Variants in LRRC4C observed in about 807,000 individuals in gnomAD.
The protein encoded by LRRC4C is leucine rich repeat containing 4C, also known as leucine-rich repeat-containing protein 4C.
LRRC4C carries 5 observed loss-of-function variants against 33.6 expected under a neutral mutation model. The observed-to-expected ratio is 0.15, with a 90% CI of 0.08 to 0.31. The LOEUF (loss-of-function observed/expected upper bound fraction) is 0.31. Among genes scored for constraint, LRRC4C ranks in the 10% least tolerant of loss-of-function variants. The probability of loss-of-function intolerance (pLI) is 1.00; values close to 1 mark genes in which losing one functional copy is unlikely to be tolerated. For synonymous variants in LRRC4C, 329 were observed against 302.0 expected (o/e 1.09, Z -0.93); for missense variants, 560 against 796.7 (o/e 0.70, Z 3.58).
chr11:40,199,465 T>A (rs1219554856), intron 5 of LRRC4C, among the ~76,000 whole-genome samples: 1 of 152,210 alleles, frequency 6.6e-6, no homozygotes, highest in Admixed American at 6.5e-5. Flanking sequence ...TTTTTGTTTT[T>A]GTTTTTAACC....
intron 1 of LRRC4C, among the ~76,000 whole-genome samples, chr11:41,161,912 T>A (rs553084963): frequency 2.2e-4 from 34 of 152,290 alleles, no homozygotes; most frequent in African/African-American, 7.5e-4. Context: ...GGGACATTAA[T>A]ACAGAAAAAA....
rs373043990 is a variant in LRRC4C, at chr11:40,114,655, A to T, written c.1638T>A (p.Ile546=). Residue 546 remains isoleucine, a synonymous_variant, in exon 7 of 7, where the codon ATT becomes ATA. Coordinates refer to ENST00000528697, the MANE Select transcript of LRRC4C (RefSeq NM_001258419.2). ...ITLMAAVMLV[I]FYKMRKQHHR... is the part of the protein sequence containing the mutation. ...GGTGCTGCTTCCTCATCTTGTAGAA[A>T]ATGACCAGCATCACTGCAGCCATGA... is the stretch of plus-strand genomic sequence containing the variant. The T allele has an allele frequency of 8.7e-6, 14 of 1,614,022 alleles. No homozygotes were observed. The highest frequency in any genetic ancestry group is 6.7e-5 in the African/African-American group (5 of 74,904).
intron 2 of LRRC4C, among the ~76,000 whole-genome samples, chr11:40,712,977 C>A (rs191726481): frequency 6.6e-6 from 1 of 151,576 alleles, no homozygotes; most frequent in Admixed American, 6.6e-5. Flanking sequence ...CAACCTCAGC[C>A]TCTTGGGTTC....
chr11:41,364,742 T>A (rs1363671689), intron 1 of LRRC4C, among the ~76,000 whole-genome samples: 1 of 152,208 alleles, frequency 6.6e-6, no homozygotes, highest in Non-Finnish European at 1.5e-5. Context: ...TTTTAAGAAA[T>A]CCTTCTGAAT....
chr11:41,422,939 T>C (rs1376849621), intron 1 of LRRC4C, among the ~76,000 whole-genome samples: 1 of 152,096 alleles, frequency 6.6e-6, no homozygotes, highest in Non-Finnish European at 1.5e-5. Context: ...TTCTACACTA[T>C]GCCATACTGC....
chr11:40,937,313 A>C (rs1461578682), intron 1 of LRRC4C, among the ~76,000 whole-genome samples: 1 of 133,080 alleles, frequency 7.5e-6, no homozygotes, highest in Non-Finnish European at 1.6e-5. Context: ...GCCGACTACT[A>C]GAGTGGGGAG....
intron 1 of LRRC4C, among the ~76,000 whole-genome samples, chr11:41,359,051 A>G (rs1405280214): frequency 1.3e-5 from 2 of 152,280 alleles, no homozygotes; most frequent in African/African-American, 4.8e-5. Flanking sequence ...ATTAGTTATC[A>G]AAGACATGGA....
chr11:40,569,117 C>T lies in LRRC4C; in HGVS notation c.-270+79025G>A, dbSNP rs1234901392. On this transcript the variant is annotated intron_variant, in intron 3 of 6. Coordinates refer to ENST00000528697, the MANE Select transcript of LRRC4C (RefSeq NM_001258419.2). ...TTAGGAAAAGTTTTAAATTTGAGAT[C>T]TACTGATGAGATAAGCTCTTGAAAA... Among the ~76,000 whole-genome samples, 3 of 152,106 alleles carry T rather than the reference C, an allele frequency of 2.0e-5. 1 individual carries two copies. Among genetic ancestry groups the T allele is most frequent in the Admixed American group, 2.0e-4 (3 of 15,260 alleles).
At chr11:41,434,666 A>G (rs1955364455) in intron 1 of LRRC4C, among the ~76,000 whole-genome samples, 1 of 152,166 alleles carries the variant, frequency 6.6e-6, no homozygotes, top group South Asian at 2.1e-4. Context: ...TTTTCACACT[A>G]CAAAGACTAG....
chr11:40,914,271 T>C (rs1414679131), intron 2 of LRRC4C, among the ~76,000 whole-genome samples: 2 of 152,206 alleles, frequency 1.3e-5, no homozygotes, highest in Non-Finnish European at 2.9e-5. Context: ...CCAATATCCC[T>C]GATGAACATT....
At chr11:40,895,565 T>G (rs559958314) in intron 2 of LRRC4C, among the ~76,000 whole-genome samples, 1 of 152,286 alleles carries the variant, frequency 6.6e-6, no homozygotes, top group South Asian at 2.1e-4. Flanking sequence ...AAGCAGATAC[T>G]TGAGTCTTCT....
At chr11:40,258,442 T>A (rs552847303) in intron 4 of LRRC4C, among the ~76,000 whole-genome samples, 1 of 152,184 alleles carries the variant, frequency 6.6e-6, no homozygotes, top group South Asian at 2.1e-4. Context: ...CTAACATATA[T>A]AATTTATTTC....
chr11:40,448,881 C>G (rs1184597816), intron 3 of LRRC4C, among the ~76,000 whole-genome samples: 1 of 152,210 alleles, frequency 6.6e-6, no homozygotes, highest in Non-Finnish European at 1.5e-5. Flanking sequence ...TAAAAGCATT[C>G]CTATTTCTCT....
intron 2 of LRRC4C, among the ~76,000 whole-genome samples, chr11:40,787,420 G>A (rs1950456766): frequency 6.6e-6 from 1 of 152,018 alleles, no homozygotes; most frequent in South Asian, 2.1e-4. Flanking sequence ...GCCTCTATGC[G>A]ACTATGCGAA....
intron 1 of LRRC4C, among the ~76,000 whole-genome samples, chr11:41,441,478 T>C (rs1360471257): frequency 1.3e-5 from 2 of 150,726 alleles, no homozygotes; most frequent in Admixed American, 1.3e-4. Flanking sequence ...CAAAGTTACT[T>C]TCAACGCTCT....
At chr11:40,403,255 G>A (rs1354472218) in intron 3 of LRRC4C, among the ~76,000 whole-genome samples, 1 of 152,118 alleles carries the variant, frequency 6.6e-6, no homozygotes, top group African/African-American at 2.4e-5. Flanking sequence ...ATGATAGCCT[G>A]TGGCCCCACA....
intron 1 of LRRC4C, among the ~76,000 whole-genome samples, chr11:41,008,829 G>T (rs1854952544): frequency 6.6e-6 from 1 of 151,820 alleles, no homozygotes; most frequent in Admixed American, 6.6e-5. Context: ...TTTTTAATTG[G>T]AGGCATTAAG....
At chr11:40,276,101 T>C (rs868613928) in intron 4 of LRRC4C, among the ~76,000 whole-genome samples, 3 of 152,308 alleles carry the variant, frequency 2.0e-5, no homozygotes, top group South Asian at 2.1e-4. Context: ...GCACTTATTT[T>C]ACAAATGAAG....
intron 5 of LRRC4C, among the ~76,000 whole-genome samples, chr11:40,149,702 T>C (rs1369036997): frequency 6.6e-6 from 1 of 152,054 alleles, no homozygotes; most frequent in Non-Finnish European, 1.5e-5. Flanking sequence ...GATGTGTAAA[T>C]TCAAGAATGA....
Sources: gnomAD v4.1 joint callset for allele counts (sites outside exome capture counted in the v4.1 genomes callset) on GRCh38, gnomAD v4.1.1 for gene constraint, MANE v1.5 for transcripts, NCBI Gene and HGNC (gene_info 2026-07-23, HGNC 2026-07-21) for gene names.